The following PGM2 variants were observed in gnomAD, a reference collection of about 807,000 sequenced individuals.
PGM2 encodes the protein phosphoglucomutase 2, also known as phosphopentomutase.
PGM2 carries 57 observed loss-of-function variants against 74.6 expected under a neutral mutation model. The observed-to-expected ratio is 0.76, with a 90% CI of 0.62 to 0.95. PGM2 has a LOEUF of 0.95. Among genes scored for constraint, PGM2 ranks in the 40% least tolerant of loss-of-function variants. PGM2 has a pLI of 0.00. For missense variants in PGM2, 706 were observed against 741.9 expected (o/e 0.95, Z 0.56); for synonymous variants, 273 against 260.7 (o/e 1.05, Z -0.46).
chr4:37,854,976 A>T (rs372316797), intron 12 of PGM2, among the ~76,000 whole-genome samples: 4 of 152,386 alleles, frequency 2.6e-5, no homozygotes, highest in South Asian at 4.1e-4. Flanking sequence ...ATACATTGTG[A>T]TAGCTAAAAT....
intron 3 of PGM2, 53 bp from the exon 4 acceptor site, chr4:37,837,476 A>G (rs1395871634): frequency 9.9e-6 from 10 of 1,006,608 alleles, no homozygotes; most frequent in Middle Eastern, 2.0e-4. Flanking sequence ...TCCATCACTC[A>G]CAGTCCTGAT....
At chr4:37,832,344 T>G (rs1725462558) in intron 2 of PGM2, among the ~76,000 whole-genome samples, 1 of 152,216 alleles carries the variant, frequency 6.6e-6, no homozygotes, top group Non-Finnish European at 1.5e-5. Flanking sequence ...TACCCAGTCT[T>G]GGGTAGTGTT....
intron 3 of PGM2, among the ~76,000 whole-genome samples, chr4:37,835,037 C>T (rs1725530812): frequency 6.6e-6 from 1 of 152,134 alleles, no homozygotes; most frequent in African/African-American, 2.4e-5. Context: ...AACCTCATGA[C>T]CCCCTTCCCT....
intron 4 of PGM2, 52 bp downstream of exon 4, chr4:37,837,665 C>A: frequency 8.7e-7 from 1 of 1,154,462 alleles, no homozygotes; most frequent in African/African-American, 1.5e-5. Flanking sequence ...AGGGATGGGA[C>A]TTGGCTGAAT....
chr4:37,840,966 A>G (rs9884864), intron 6 of PGM2, among the ~76,000 whole-genome samples: 49,129 of 113,428 alleles, frequency 0.43, 10,561 homozygotes, highest in African/African-American at 0.67. Context: ...GTGTGTGTGT[A>G]TATATATATA....
chr4:37,840,089 G>A lies in PGM2; in HGVS notation c.549G>A (p.Gln183=), dbSNP rs747366554. 3.7e-6 allele frequency: 6 copies of A among 1,613,990 alleles called. No homozygotes were observed. In the South Asian group the frequency reaches 6.6e-5, roughly 18 times the overall value. The change falls in exon 6 of 14, where the codon CAG becomes CAA. Residue 183 remains glutamine, a synonymous_variant. Transcript: ENST00000381967. ...GYKVYWDNGA[Q]IISPHDKGIS... ...AGGTCTATTGGGATAATGGAGCTCA[G>A]ATCATTTCTCCTCACGATAAAGGGA...
chr4:37,840,378 T>G (rs1725676851), intron 6 of PGM2, 119 bp downstream of exon 6: 2 of 618,326 alleles, frequency 3.2e-6, no homozygotes, highest in South Asian at 2.1e-5. Flanking sequence ...CATCTGATTT[T>G]ATTTTATTTT....
intron 2 of PGM2, 72 bp from the exon 3 acceptor site, chr4:37,834,546 G>T: frequency 1.4e-6 from 1 of 727,014 alleles, no homozygotes; most frequent in Non-Finnish European, 2.3e-6. Flanking sequence ...CTTAATTTTT[G>T]GCTAATTTTT....
In PGM2 at chr4:37,826,715, G is replaced by C. The variant is rs1041671369; in HGVS notation, c.-18G>C. Reference sequence around the variant, plus strand: ...CTCACCGCCTGCTTCCCTCTGCAGCGGTAGCACAAGCTCAGCGATGGCGGC... The same window carrying C: ...CTCACCGCCTGCTTCCCTCTGCAGCCGTAGCACAAGCTCAGCGATGGCGGC... On this transcript the variant is annotated 5_prime_UTR_variant, in exon 1 of 14. Coordinates refer to ENST00000381967, the MANE Select transcript of PGM2 (RefSeq NM_018290.4). 3 of 1,545,030 alleles carry C rather than the reference G, an allele frequency of 1.9e-6. No individual in the cohort carries two copies. Among genetic ancestry groups the C allele is most frequent in the African/African-American group, 2.7e-5 (2 of 72,842 alleles).
At chr4:37,847,773 A>G (rs1725917737) in intron 10 of PGM2, among the ~76,000 whole-genome samples, 2 of 152,252 alleles carry the variant, frequency 1.3e-5, no homozygotes, top group Admixed American at 1.3e-4. Context: ...AGAATGACAG[A>G]AAAACCCTTG....
At chr4:37,855,839 T>A in intron 13 of PGM2, 98 bp downstream of exon 13, 1 of 1,006,294 alleles carries the variant, frequency 9.9e-7, no homozygotes, top group Non-Finnish European at 1.4e-6. Context: ...TTCTAATAGG[T>A]AATTTAATTA....
intron 13 of PGM2, among the ~76,000 whole-genome samples, chr4:37,858,552 G>A (rs1277444248): frequency 6.8e-6 from 1 of 146,678 alleles, no homozygotes; most frequent in Non-Finnish European, 1.5e-5. Context: ...GTTTCATCAT[G>A]TCGGTCAGGC....
intron 12 of PGM2, among the ~76,000 whole-genome samples, chr4:37,853,228 C>G (rs6531586): frequency 0.53 from 80,763 of 151,776 alleles, 22,123 homozygotes; most frequent in Non-Finnish European, 0.61. Flanking sequence ...GCCTTGATCT[C>G]CTGGGCTCAA....
rs115866254 is a variant in PGM2 at position 37,841,143 on chromosome 4, C to T, written c.719+884C>T. On this transcript the variant is annotated intron_variant, in intron 6 of 13. Transcript: ENST00000381967. Reference sequence around the variant, plus strand: ...GTATATGTATAATATACTTCAAAACCATAAATAGGAATATTTGTGTGTGTG... The same window carrying T: ...GTATATGTATAATATACTTCAAAACTATAAATAGGAATATTTGTGTGTGTG... Among the ~76,000 whole-genome samples, 467 of 64,640 alleles carry T rather than the reference C, an allele frequency of 7.2e-3. 9 individuals carry two copies. Among genetic ancestry groups the T allele is most frequent in the African/African-American group, 0.045 (447 of 9,874 alleles). The allele number at this position is 64,640 out of a possible 152,430, so 42.4% of individuals were successfully genotyped here.
chr4:37,831,099 C>G (rs948414225), intron 2 of PGM2, among the ~76,000 whole-genome samples: 5 of 143,570 alleles, frequency 3.5e-5, no homozygotes, highest in Non-Finnish European at 6.0e-5. Context: ...GAGGCTGAGA[C>G]AGAAGGATTG....
Position 37,848,071 on chromosome 4 carries a change from A to G in PGM2, c.1283-451A>G, listed in dbSNP as rs1010912539. Among the ~76,000 whole-genome samples the G allele has an allele frequency of 9.2e-5, 14 of 152,188 alleles. 1 individual carries two copies. The highest frequency in any genetic ancestry group is 2.6e-4 in the Admixed American group (4 of 15,272). ...TTTATCAAGTATTAATTGCATGTCT[A>G]TTACTCAGTGACTCTAAAAGAAATG... On this transcript the variant is annotated intron_variant, in intron 10 of 13. Coordinates refer to ENST00000381967, the MANE Select transcript of PGM2 (RefSeq NM_018290.4).
At chr4:37,838,113 T>C (rs1725617615) in intron 4 of PGM2, among the ~76,000 whole-genome samples, 1 of 152,206 alleles carries the variant, frequency 6.6e-6, no homozygotes, top group Non-Finnish European at 1.5e-5. Flanking sequence ...ACTCCTGGCC[T>C]CAGGTGATCC....
intron 1 of PGM2, among the ~76,000 whole-genome samples, chr4:37,829,756 C>T (rs36022414): frequency 0.014 from 2,123 of 152,038 alleles, 41 homozygotes; most frequent in Non-Finnish European, 0.016. Flanking sequence ...AAGGTGCTTA[C>T]CTTGACAGGA....
chr4:37,843,206 T>G (rs1725778506), intron 6 of PGM2, among the ~76,000 whole-genome samples: 1 of 152,254 alleles, frequency 6.6e-6, no homozygotes, highest in African/African-American at 2.4e-5. Flanking sequence ...CTCTCTATTC[T>G]GTTCCTTTAA....
Sources: allele counts gnomAD v4.1 joint callset (sites outside exome capture counted in the v4.1 genomes callset), GRCh38; gene constraint gnomAD v4.1.1; transcripts MANE v1.5; gene names NCBI Gene and HGNC (gene_info 2026-07-23, HGNC 2026-07-21).